The following LINGO2 variants were observed in gnomAD, a reference collection of about 807,000 sequenced individuals.
LINGO2 encodes the protein leucine rich repeat and Ig domain containing 2.
A neutral mutation model predicts 30.6 loss-of-function variants in LINGO2; 14 were observed. The observed-to-expected ratio is 0.46, with a 90% CI of 0.30 to 0.72. The LOEUF is 0.72. LINGO2 is among the 30% of genes least tolerant of loss of function. The pLI, the probability that LINGO2 is intolerant of heterozygous loss-of-function variation, is 0.07. For missense variants in LINGO2, 729 were observed against 751.7 expected, an observed-to-expected ratio of 0.97 and a Z score of 0.35; for synonymous variants, 317 against 288.5, an observed-to-expected ratio of 1.10 and a Z score of -1.00.
At chr9:29,161,621 G>A in the LINGO2 span, among the ~76,000 whole-genome samples, 1 of 152,094 alleles carries the variant, frequency 6.6e-6, no homozygotes, top group South Asian at 2.1e-4. Context: ...TGATTCAATA[G>A]GTAGGAGGTA....
intron 4 of LINGO2, among the ~76,000 whole-genome samples, chr9:28,020,164 C>T (rs1312230392): frequency 3.9e-5 from 6 of 152,200 alleles, no homozygotes; most frequent in Non-Finnish European, 7.3e-5. Flanking sequence ...CAATCCCTCT[C>T]TAAGTGGGAA....
chr9:28,444,193 G>A (rs866994190), intron 2 of LINGO2, among the ~76,000 whole-genome samples: 1 of 152,158 alleles, frequency 6.6e-6, no homozygotes, highest in African/African-American at 2.4e-5. Context: ...CAAACAGTGG[G>A]AGGAAAGAAG....
chr9:28,691,234 A>G, the LINGO2 span, among the ~76,000 whole-genome samples: 8 of 152,338 alleles, frequency 5.3e-5, no homozygotes, highest in East Asian at 1.9e-4. Context: ...CATTTTGCCA[A>G]AGTTTAAACT....
At chr9:29,108,019 A>G in the LINGO2 span, among the ~76,000 whole-genome samples, 2 of 152,156 alleles carry the variant, frequency 1.3e-5, no homozygotes, top group African/African-American at 4.8e-5. Flanking sequence ...ATCAATGGAT[A>G]ACACTAGCAC....
chr9:28,478,994 CATTGTGGTAAATATGTGTGTT>C (rs1405703146), intron 1 of LINGO2, among the ~76,000 whole-genome samples: 12 of 151,964 alleles, frequency 7.9e-5, no homozygotes, highest in African/African-American at 2.9e-4. Context: ...TCCTATAATA[CATTGTGGTAAATATGTGTGTT>C]TATATACTTT....
intron 4 of LINGO2, among the ~76,000 whole-genome samples, chr9:28,213,441 A>C (rs1035662840): frequency 2.0e-5 from 3 of 151,460 alleles, no homozygotes; most frequent in African/African-American, 4.8e-5. Context: ...ATAAACAGAT[A>C]AGCACAAAAA....
intron 5 of LINGO2, among the ~76,000 whole-genome samples, chr9:27,996,343 G>A (rs532019138): frequency 1.3e-5 from 2 of 152,252 alleles, no homozygotes; most frequent in African/African-American, 4.8e-5. Context: ...TATGTTTATT[G>A]CAGCACTATT....
the LINGO2 span, among the ~76,000 whole-genome samples, chr9:28,847,537 T>C: frequency 2.0e-5 from 3 of 146,664 alleles, no homozygotes; most frequent in African/African-American, 5.1e-5. Context: ...CCATGGAGCA[T>C]ATCCAAGTCC....
At chr9:28,335,673 C>T (rs185887232) in intron 3 of LINGO2, among the ~76,000 whole-genome samples, 2 of 152,154 alleles carry the variant, frequency 1.3e-5, no homozygotes, top group Admixed American at 6.5e-5. Context: ...AGTCAGTAAG[C>T]TGAAAAATGT....
chr9:28,120,634 T>C (rs972273470), intron 4 of LINGO2, among the ~76,000 whole-genome samples: 1 of 152,212 alleles, frequency 6.6e-6, no homozygotes, highest in East Asian at 1.9e-4. Context: ...AGTTTGGTTT[T>C]TACTTGATGC....
chr9:28,103,591 C>T (rs1224830436), intron 4 of LINGO2, among the ~76,000 whole-genome samples: 1 of 152,138 alleles, frequency 6.6e-6, no homozygotes, highest in Non-Finnish European at 1.5e-5. Flanking sequence ...GCCACACTGA[C>T]CAGCAGCTTA....
At chr9:28,032,553 C>T (rs1480004105) in intron 4 of LINGO2, among the ~76,000 whole-genome samples, 2 of 152,216 alleles carry the variant, frequency 1.3e-5, no homozygotes, top group Non-Finnish European at 2.9e-5. Flanking sequence ...TGGGCATTCT[C>T]ATTCAGTACT....
chr9:28,946,161 T>C, the LINGO2 span, among the ~76,000 whole-genome samples: 5 of 152,206 alleles, frequency 3.3e-5, no homozygotes, highest in African/African-American at 4.8e-5. Flanking sequence ...CTGACTGTTA[T>C]GAACCTCATA....
chr9:28,862,225 A>T, the LINGO2 span, among the ~76,000 whole-genome samples: 1 of 152,150 alleles, frequency 6.6e-6, no homozygotes, highest in African/African-American at 2.4e-5. Flanking sequence ...GATTTTGCTT[A>T]TGAACATACA....
chr9:28,219,999 G>A lies in LINGO2; in HGVS notation c.-87+75209C>T, dbSNP rs766637003. ...GAACTAGGATGGTTACATGTATACT[G>A]AGCCTGCACAAAGTTTTTTTCTGGT... is the stretch of plus-strand genomic sequence containing the variant. On this transcript the variant is annotated intron_variant, in intron 4 of 5. Transcript: ENST00000379992. Among the ~76,000 whole-genome samples, 49 of 152,176 alleles carry A rather than the reference G, an allele frequency of 3.2e-4. No individual in the cohort carries two copies. In the Middle Eastern group the frequency reaches 0.01, roughly 32 times the overall value.
chr9:28,020,502 C>A (rs982334412), intron 4 of LINGO2, among the ~76,000 whole-genome samples: 1 of 151,826 alleles, frequency 6.6e-6, no homozygotes. Context: ...GCACTCCAGC[C>A]TGGCCAACAG....
At chr9:28,951,098 A>G in the LINGO2 span, among the ~76,000 whole-genome samples, 3 of 152,084 alleles carry the variant, frequency 2.0e-5, no homozygotes, top group African/African-American at 7.2e-5. Context: ...CACATCTACA[A>G]CCACCTGATC....
intron 4 of LINGO2, among the ~76,000 whole-genome samples, chr9:28,142,193 A>C (rs191512202): frequency 1.2e-4 from 17 of 145,708 alleles, no homozygotes; most frequent in Admixed American, 2.8e-4. Context: ...TAAGTTAAAT[A>C]CTATGCATTA....
intron 5 of LINGO2, among the ~76,000 whole-genome samples, chr9:27,991,057 C>G (rs542913102): frequency 6.6e-6 from 1 of 151,776 alleles, no homozygotes; most frequent in African/African-American, 2.4e-5. Context: ...TATACTATAC[C>G]GAAAAGCCAA....
Sources: gnomAD v4.1 joint callset for allele counts (sites outside exome capture counted in the v4.1 genomes callset) on GRCh38, gnomAD v4.1.1 for gene constraint, MANE v1.5 for transcripts, NCBI Gene and HGNC (gene_info 2026-07-23, HGNC 2026-07-21) for gene names.